Variants in IAPP observed in about 807,000 individuals in gnomAD.
The protein encoded by IAPP is Islet amyloid polypeptide (diabetes-associated peptide; amylin).
IAPP carries 4 observed loss-of-function variants against 2.9 expected under a neutral mutation model. That is an observed-to-expected ratio of 1.39 (90% CI 0.69 to 3.19). IAPP has a LOEUF of 3.19. Ranked by LOEUF, IAPP falls within the 30% of genes most tolerant of loss-of-function variation. The pLI is 0.01. For synonymous variants in IAPP, 40 were observed against 42.1 expected (o/e 0.95, Z 0.19); for missense variants, 114 against 105.3 (o/e 1.08, Z -0.36).
chr12:21,359,007 G>A lies in IAPP; in HGVS notation c.-16+3994G>A, dbSNP rs545750549. ...GAGGAGAGATAATGACTTATCTTCA[G>A]AATCCTATGCTTAGCTAAGACAGCA... On this transcript the variant is annotated intron_variant, in intron 1 of 2. Coordinates refer to the IAPP transcript ENST00000539393. 2.0e-5 allele frequency among the ~76,000 whole-genome samples: 3 copies of A among 152,330 alleles called. No homozygotes were observed. In the South Asian group the frequency reaches 6.2e-4, roughly 32 times the overall value.
rs539446488 is a variant in IAPP at position 21,373,536 on chromosome 12, A to G, written c.80+105A>G. On this transcript the variant is annotated intron_variant, in intron 2 of 2. Transcript: ENST00000240652. ...ACAGCCTTAGATTTCTGACTATATC[A>G]TACTTAAGAACAGTACCTTCAGCTA... 2.9e-5 allele frequency: 23 copies of G among 806,648 alleles called. No homozygotes were observed. In the African/African-American group the frequency reaches 3.5e-4, roughly 12 times the overall value. The allele number at this position is 806,648 out of a possible 1,614,324, so 50.0% of individuals were successfully genotyped here.
chr12:21,360,773 G>A lies in IAPP; in HGVS notation c.-16+5760G>A, dbSNP rs561954250. 1.2e-4 allele frequency among the ~76,000 whole-genome samples: 19 copies of A among 152,336 alleles called. 1 individual carries two copies. In the South Asian group the frequency reaches 2.9e-3, roughly 23 times the overall value. ...CTGGCTTGGAGGCTCCCACACCCAC[G>A]GAGGCTCGCTCACTGCTAGCACAGC... On this transcript the variant is annotated intron_variant, in intron 1 of 2. Transcript: ENST00000539393.
At chr12:21,359,702 G>A (rs529724358) in intron 1 of IAPP, among the ~76,000 whole-genome samples, 70 of 151,200 alleles carry the variant, frequency 4.6e-4, no homozygotes, top group Non-Finnish European at 7.4e-4. Context: ...AGCCGAGATC[G>A]TGCCACTGCA....
intron 1 of IAPP, among the ~76,000 whole-genome samples, chr12:21,363,707 A>C (rs1036072056): frequency 4.6e-5 from 7 of 152,190 alleles, no homozygotes; most frequent in Non-Finnish European, 8.8e-5. Context: ...AAAAATGATA[A>C]AGGGGATATC....
At chr12:21,359,794 TA>T (rs1938679499) in intron 1 of IAPP, among the ~76,000 whole-genome samples, 1 of 151,892 alleles carries the variant, frequency 6.6e-6, no homozygotes, top group South Asian at 2.1e-4. Flanking sequence ...CTTACATACT[TA>T]AACAAGAGAA....
chr12:21,359,805 AAAG>A (rs1938681159), intron 1 of IAPP, among the ~76,000 whole-genome samples: 1 of 152,228 alleles, frequency 6.6e-6, no homozygotes, highest in South Asian at 2.1e-4. Context: ...AAACAAGAGA[AAAG>A]AAGAAGCATG....
At chr12:21,373,258 A>C (rs1348285225) in intron 1 of IAPP, 79 bp from the exon 2 acceptor site, 1 of 907,758 alleles carries the variant, frequency 1.1e-6, no homozygotes, top group East Asian at 2.5e-5. Flanking sequence ...TTCTTTTAAA[A>C]ACTAAGCTCT....
chr12:21,367,793 G>A (rs960664257), intron 1 of IAPP, among the ~76,000 whole-genome samples: 7 of 151,406 alleles, frequency 4.6e-5, no homozygotes, highest in African/African-American at 1.7e-4. Context: ...GATCCAACAT[G>A]GGATAATTTT....
At chr12:21,362,102 C>A (rs1008058716) in intron 1 of IAPP, among the ~76,000 whole-genome samples, 2 of 152,006 alleles carry the variant, frequency 1.3e-5, no homozygotes, top group Non-Finnish European at 1.5e-5. Context: ...GTCAGATTCA[C>A]CAAAGTTGAA....
intron 1 of IAPP, among the ~76,000 whole-genome samples, chr12:21,364,701 T>A (rs1043084630): frequency 6.6e-6 from 1 of 152,152 alleles, no homozygotes; most frequent in African/African-American, 2.4e-5. Context: ...CAGCAAAATC[T>A]CAGGATACAA....
upstream of IAPP, among the ~76,000 whole-genome samples, chr12:21,371,373 G>A (rs1397132091): frequency 6.6e-6 from 1 of 151,274 alleles, no homozygotes; most frequent in Non-Finnish European, 1.5e-5. Context: ...TCTTCTTACG[G>A]AAATGCATTA....
At chr12:21,373,474 G>C in intron 2 of IAPP, 43 bp downstream of exon 2, 1 of 1,362,910 alleles carries the variant, frequency 7.3e-7, no homozygotes, top group Non-Finnish European at 1.1e-6. Flanking sequence ...CTTTTGTAAA[G>C]TGTGAGAAAA....
At chr12:21,376,642 A>T (rs1025914901) in intron 2 of IAPP, among the ~76,000 whole-genome samples, 1 of 151,906 alleles carries the variant, frequency 6.6e-6, no homozygotes, top group African/African-American at 2.4e-5. Flanking sequence ...GTACTTAGGA[A>T]GAAATATGGG....
At chr12:21,361,526 TG>T (rs1306379709) in intron 1 of IAPP, among the ~76,000 whole-genome samples, 5 of 152,200 alleles carry the variant, frequency 3.3e-5, no homozygotes, top group African/African-American at 9.6e-5. Context: ...GGAACAAAGC[TG>T]GACAGAGAAT....
At chr12:21,362,094 C>T (rs1189313435) in intron 1 of IAPP, among the ~76,000 whole-genome samples, 1 of 152,080 alleles carries the variant, frequency 6.6e-6, no homozygotes, top group Non-Finnish European at 1.5e-5. Context: ...ACATAATTGT[C>T]AGATTCACCA....
chr12:21,359,946 A>C (rs1450743661), intron 1 of IAPP, among the ~76,000 whole-genome samples: 1 of 152,214 alleles, frequency 6.6e-6, no homozygotes, highest in Non-Finnish European at 1.5e-5. Flanking sequence ...ACAATGAAAC[A>C]CTACTCCACA....
At chr12:21,361,201 T>A (rs1167971567) in intron 1 of IAPP, among the ~76,000 whole-genome samples, 2 of 152,124 alleles carry the variant, frequency 1.3e-5, no homozygotes, top group Admixed American at 1.3e-4. Context: ...AGAGGAAGGA[T>A]CAGACAGCAA....
intron 1 of IAPP, among the ~76,000 whole-genome samples, chr12:21,366,995 G>C (rs1939438307): frequency 1.3e-5 from 2 of 151,896 alleles, no homozygotes; most frequent in East Asian, 1.9e-4. Flanking sequence ...TATATTAAAA[G>C]ATACACTGAG....
At chr12:21,358,176 T>A (rs1938524089) in intron 1 of IAPP, among the ~76,000 whole-genome samples, 1 of 152,210 alleles carries the variant, frequency 6.6e-6, no homozygotes, top group Non-Finnish European at 1.5e-5. Flanking sequence ...GAAAGAATAA[T>A]TTTTTAAAAG....
Sources: gnomAD v4.1 joint callset for allele counts (sites outside exome capture counted in the v4.1 genomes callset) on GRCh38, gnomAD v4.1.1 for gene constraint, MANE v1.5 for transcripts, NCBI Gene and HGNC (gene_info 2026-07-23, HGNC 2026-07-21) for gene names.